Variants in PDGFA observed in about 807,000 individuals in gnomAD.
PDGFA encodes platelet-derived growth factor subunit A.
In PDGFA, 9 loss-of-function variants were observed where a neutral mutation model predicts 25.6. The ratio of observed to expected loss-of-function variants is 0.35; its 90% confidence interval spans 0.21 to 0.61. The LOEUF is 0.61. PDGFA is among the 20% of genes least tolerant of loss of function. The pLI, the probability that PDGFA is intolerant of heterozygous loss-of-function variation, is 0.75. For missense variants in PDGFA, 242 were observed against 272.8 expected, an observed-to-expected ratio of 0.89 and a Z score of 0.79; for synonymous variants, 133 against 111.8, an observed-to-expected ratio of 1.19 and a Z score of -1.20.
intron 4 of PDGFA, 62 bp downstream of exon 4, chr7:510,737 GGGAGAGGAGA>G: frequency 1.3e-5 from 5 of 375,608 alleles, no homozygotes; most frequent in Admixed American, 3.6e-5. Flanking sequence ...AGGAGGGGAG[GGGAGAGGAGA>G]GGAGGGGAGG....
intron 4 of PDGFA, among the ~76,000 whole-genome samples, chr7:503,967 C>A (rs1015195784): frequency 6.6e-6 from 1 of 152,158 alleles, no homozygotes; most frequent in African/African-American, 2.4e-5. Context: ...TCCACACTCC[C>A]GCGGCAATCT....
chr7:508,013 G>A (rs1782636553), intron 4 of PDGFA, among the ~76,000 whole-genome samples: 1 of 152,160 alleles, frequency 6.6e-6, no homozygotes, highest in Non-Finnish European at 1.5e-5. Flanking sequence ...GTAGTAAGAT[G>A]TGGAATCTGC....
intron 3 of PDGFA, among the ~76,000 whole-genome samples, chr7:511,205 G>T (rs999516623): frequency 3.1e-4 from 47 of 151,646 alleles, no homozygotes; most frequent in Non-Finnish European, 2.9e-5. Context: ...CCAGCCCGGT[G>T]CCTGCAGGCT....
At chr7:498,473 G>T in exon 6 of PDGFA, 1 of 1,246,768 alleles carries the variant, frequency 8.0e-7, no homozygotes, top group Non-Finnish European at 1.2e-6. Flanking sequence ...AACAAAGACC[G>T]CACACTGGCA....
chr7:520,213 C>G (rs1402959957), upstream of PDGFA: 1 of 226,754 alleles, frequency 4.4e-6, no homozygotes, highest in African/African-American at 2.4e-5. Flanking sequence ...CGGGCCCCAG[C>G]GGCGGCAGCG....
exon 3 of PDGFA, chr7:512,398 T>C (rs1272390791): frequency 8.7e-6 from 14 of 1,613,630 alleles, no homozygotes; most frequent in African/African-American, 2.7e-5. Flanking sequence ...CTCGGGCACA[T>C]GCTTAGTGGC....
At chr7:511,787 A>T (rs921906983) in intron 3 of PDGFA, among the ~76,000 whole-genome samples, 6 of 152,068 alleles carry the variant, frequency 3.9e-5, no homozygotes, top group Admixed American at 3.3e-4. Context: ...AGGGGGCTGG[A>T]GGGCCATGGG....
upstream of PDGFA, chr7:519,817 A>C (rs1251925615): frequency 1.4e-5 from 2 of 141,922 alleles, no homozygotes; most frequent in African/African-American, 2.6e-5. Context: ...GGCTCGCCGG[A>C]GTTGGGCGGG....
At chr7:511,065 C>T (rs528846838) in intron 3 of PDGFA, 69 bp from the exon 4 acceptor site, 27 of 1,323,066 alleles carry the variant, frequency 2.0e-5, no homozygotes, top group South Asian at 9.0e-5. Context: ...AGGGCTGAGG[C>T]GGCTCCAGCT....
At position 517,025 on chromosome 7, in the gene PDGFA, C is replaced by T. The variant is rs1783135212; in HGVS notation, c.160+369G>A. ...GGGGCCTCGCTCCGCGGGCTGCCCG[C>T]CCGGCGCACGGGCCAGGGCTCTGCG... On this transcript the variant is annotated intron_variant, in intron 2 of 5. Coordinates refer to ENST00000402802, the Ensembl canonical transcript of PDGFA. This position sits in a 1 kb window ranked among gnomAD's most constrained non-coding sequence, Gnocchi z 7.4. Among the ~76,000 whole-genome samples the T allele has an allele frequency of 6.6e-6, 1 of 151,410 alleles. No homozygotes were observed. The highest frequency in any genetic ancestry group is 2.0e-4 in the East Asian group (1 of 5,126).
intron 4 of PDGFA, among the ~76,000 whole-genome samples, chr7:509,413 C>T (rs926657003): frequency 6.6e-6 from 1 of 152,212 alleles, no homozygotes; most frequent in Non-Finnish European, 1.5e-5. Context: ...ACCTCAGCCT[C>T]CAGAGTAGCT....
At position 500,821 on chromosome 7, in the gene PDGFA, G is replaced by A. The variant is rs569778920; in HGVS notation, c.580+295C>T. 1.4e-4 allele frequency: 202 copies of A among 1,478,190 alleles called. 2 individuals are homozygous for A. In the South Asian group the frequency reaches 1.6e-3, roughly 11 times the overall value. 91.6% of individuals were successfully genotyped at this position (1,478,190 alleles called of 1,614,324 possible). A position where few individuals can be genotyped will look rare whatever the true frequency, so the allele number is the denominator to read the frequency against. On this transcript the variant is annotated intron_variant, in intron 5 of 5. Coordinates refer to ENST00000402802, the Ensembl canonical transcript of PDGFA. This position sits in a 1 kb window ranked among gnomAD's most constrained non-coding sequence, Gnocchi z 5.0. The stretch of plus-strand genomic sequence containing the variant: ...TGCAGATTCTTCTCAGCTCAGCCCC[G>A]CAGCCCACTAATGAATTGGGTGTCT...
intron 2 of PDGFA, among the ~76,000 whole-genome samples, chr7:516,656 C>A (rs1339260144): frequency 5.3e-5 from 8 of 152,142 alleles, no homozygotes; most frequent in Non-Finnish European, 1.2e-4. Context: ...ACCCTCGCCC[C>A]TCCCACCCAC....
intron 4 of PDGFA, among the ~76,000 whole-genome samples, chr7:506,646 C>T (rs554119684): frequency 1.3e-5 from 2 of 152,302 alleles, no homozygotes; most frequent in African/African-American, 4.8e-5. Flanking sequence ...CCATGGTCCA[C>T]GTTCAGGCCC....
rs1298114004 is a variant in PDGFA, at chr7:499,729, C to G, written c.581-1155G>C. On this transcript the variant is annotated intron_variant, in intron 5 of 5. Transcript: ENST00000402802. ...GGTGTTATTTTGCCCTTCCCCCCCC[C>G]CCCCGCTCACTCCTTCTTCCAGCCT... Among the ~76,000 whole-genome samples, 7 of 90,836 alleles carry G rather than the reference C, an allele frequency of 7.7e-5. 3 individuals are homozygous for G. The highest frequency in any genetic ancestry group is 1.8e-4 in the African/African-American group (4 of 22,446). 59.6% of individuals were successfully genotyped at this position (90,836 alleles called of 152,430 possible).
intron 2 of PDGFA, among the ~76,000 whole-genome samples, chr7:515,861 TG>T (rs1783065361): frequency 6.6e-6 from 1 of 151,738 alleles, no homozygotes; most frequent in African/African-American, 2.4e-5. Flanking sequence ...CGATAATGGG[TG>T]GGGGTGGAGG....
exon 1 of PDGFA, chr7:519,071 G>T: frequency 2.4e-6 from 3 of 1,265,926 alleles, no homozygotes; most frequent in Admixed American, 4.3e-5. Flanking sequence ...CCGGTCTCCT[G>T]TGGCGGCGAA....
exon 4 of PDGFA, chr7:510,821 G>A (rs267601542): frequency 1.3e-6 from 2 of 1,590,406 alleles, no homozygotes; most frequent in Non-Finnish European, 1.7e-6. Flanking sequence ...TGACGCTGCG[G>A]TGGTGGACGC....
rs766165770 is a variant in PDGFA, at chr7:508,559, CAAAA to C, written c.453+2246_453+2249del. 5.6e-4 allele frequency among the ~76,000 whole-genome samples: 20 copies of C among 35,670 alleles called. 1 individual carries two copies. Among genetic ancestry groups the C allele is most frequent in the Admixed American group, 4.4e-3 (9 of 2,036 alleles). 23.4% of individuals were successfully genotyped at this position (35,670 alleles called of 152,430 possible). On this transcript the variant is annotated intron_variant, in intron 4 of 5. Coordinates refer to ENST00000402802, the Ensembl canonical transcript of PDGFA. ...TGGGCAACAGAGCAAGAAGCTGTCC[CAAAA>C]AAAAAAAAAAAAAAAAAAAAAAAAA...
Sources: gnomAD v4.1 joint callset for allele counts (sites outside exome capture counted in the v4.1 genomes callset) on GRCh38, gnomAD v4.1.1 for gene constraint, Gnocchi (gnomAD v3.1) non-coding constraint, MANE v1.5 for transcripts, NCBI Gene and HGNC (gene_info 2026-07-23, HGNC 2026-07-21) for gene names.